The following E2F5 variants were observed in gnomAD, a reference collection of about 807,000 sequenced individuals.
E2F5 encodes the protein E2F transcription factor 5, also known as transcription factor E2F5.
A neutral mutation model predicts 39.1 loss-of-function variants in E2F5; 23 were observed. The observed-to-expected ratio is 0.59, with a 90% confidence interval of 0.42 to 0.83. The LOEUF (loss-of-function observed/expected upper bound fraction) is 0.83. Among genes scored for constraint, E2F5 ranks in the 40% least tolerant of loss-of-function variants. The pLI is 0.00. For missense variants in E2F5, 365 were observed against 406.7 expected, an observed-to-expected ratio of 0.90 and a Z score of 0.88; for synonymous variants, 145 against 157.8, an observed-to-expected ratio of 0.92 and a Z score of 0.61.
At chr8:85,197,631 A>G (rs994895240) in intron 1 of E2F5, among the ~76,000 whole-genome samples, 2 of 152,160 alleles carry the variant, frequency 1.3e-5, no homozygotes, top group African/African-American at 4.8e-5. Context: ...TCAGAGGAAT[A>G]TTTTTGTTTG....
chr8:85,185,229 T>C (rs1812304889), intron 1 of E2F5, among the ~76,000 whole-genome samples: 1 of 152,090 alleles, frequency 6.6e-6, no homozygotes, highest in South Asian at 2.1e-4. Context: ...AACCATCTGA[T>C]CTTTGACAAA....
Position 85,209,124 on chromosome 8 carries a change from T to C in E2F5, c.616-18T>C. On this transcript the variant is annotated intron_variant, in intron 5 of 7. Transcript: ENST00000416274. ...ATGTTAATAATTATACATTTGTTTA[T>C]ACCCAATAACTTCAAAGGGTCAGAA... The C allele has an allele frequency of 1.9e-6, 3 of 1,610,154 alleles. No individual in the cohort carries two copies. The highest frequency in any genetic ancestry group is 1.1e-5 in the South Asian group (1 of 90,812).
At chr8:85,208,846 G>T (rs1812853578) in intron 5 of E2F5, among the ~76,000 whole-genome samples, 1 of 152,124 alleles carries the variant, frequency 6.6e-6, no homozygotes. Context: ...GCATTGCTGG[G>T]CCCTGACCTA....
intron 1 of E2F5, among the ~76,000 whole-genome samples, chr8:85,186,475 T>C (rs559768599): frequency 6.6e-6 from 1 of 151,734 alleles, no homozygotes; most frequent in East Asian, 1.9e-4. Context: ...CTGCACGTTC[T>C]GCACATGTAC....
At chr8:85,205,885 C>T (rs4150950) in intron 3 of E2F5, among the ~76,000 whole-genome samples, 1 of 152,164 alleles carries the variant, frequency 6.6e-6, no homozygotes, top group African/African-American at 2.4e-5. Context: ...TTTTCCCCAT[C>T]CATTCCCTTC....
chr8:85,203,295 G>T, intron 3 of E2F5, 40 bp downstream of exon 3: 1 of 1,457,134 alleles, frequency 6.9e-7, no homozygotes, highest in Non-Finnish European at 9.1e-7. Flanking sequence ...ATATAGCTTT[G>T]GAATATGTAT....
At chr8:85,208,573 A>G (rs779210295) in intron 5 of E2F5, among the ~76,000 whole-genome samples, 1 of 152,178 alleles carries the variant, frequency 6.6e-6, no homozygotes. Flanking sequence ...AAAGATTACT[A>G]TATTATCTAC....
In E2F5 at chr8:85,201,883, T is replaced by C. The variant is rs538612517; in HGVS notation, c.235-264T>C. On this transcript the variant is annotated intron_variant, in intron 1 of 7. Coordinates refer to ENST00000416274, the MANE Select transcript of E2F5 (RefSeq NM_001951.4). ...CATAAGGTGACACAAAGTATTCTTATTGTGTTCTTTTATTTTTGCAGGCTT... is the reference window on the plus strand; with the variant it reads ...CATAAGGTGACACAAAGTATTCTTACTGTGTTCTTTTATTTTTGCAGGCTT... 43 of 455,170 alleles carry C rather than the reference T, an allele frequency of 9.4e-5. 1 individual carries two copies. In the South Asian group the frequency reaches 1.1e-3, roughly 11 times the overall value. The allele number at this position is 455,170 out of a possible 1,614,324, so 28.2% of individuals were successfully genotyped here.
At chr8:85,204,378 C>T (rs1812757333) in intron 3 of E2F5, among the ~76,000 whole-genome samples, 1 of 152,036 alleles carries the variant, frequency 6.6e-6, no homozygotes, top group Non-Finnish European at 1.5e-5. Flanking sequence ...AGCATGGGCT[C>T]ATGTCCTTTT....
intron 4 of E2F5, 116 bp downstream of exon 4, chr8:85,206,336 G>T: frequency 1.0e-6 from 1 of 1,004,998 alleles, no homozygotes; most frequent in Non-Finnish European, 1.5e-6. Flanking sequence ...TGGGCATTGT[G>T]TCTCACTCCA....
chr8:85,192,797 A>G (rs752405488), intron 1 of E2F5, among the ~76,000 whole-genome samples: 2 of 152,230 alleles, frequency 1.3e-5, no homozygotes, highest in Non-Finnish European at 2.9e-5. Flanking sequence ...ATTGTGACCA[A>G]CCATCTCACA....
At chr8:85,190,667 G>A (rs773939190) in intron 1 of E2F5, among the ~76,000 whole-genome samples, 2 of 151,384 alleles carry the variant, frequency 1.3e-5, no homozygotes, top group Non-Finnish European at 2.9e-5. Flanking sequence ...CCATGCCCAG[G>A]TAATTTTTGT....
At chr8:85,211,350 C>T (rs919191525) in intron 6 of E2F5, among the ~76,000 whole-genome samples, 17 of 151,868 alleles carry the variant, frequency 1.1e-4, no homozygotes, top group African/African-American at 1.5e-4. Flanking sequence ...TGCAGTGAGC[C>T]CTGACAGCAC....
At chr8:85,183,807 T>C (rs1200010559) in intron 1 of E2F5, among the ~76,000 whole-genome samples, 1 of 152,166 alleles carries the variant, frequency 6.6e-6, no homozygotes, top group Admixed American at 6.5e-5. Context: ...CCCCCAAAAT[T>C]CATATGTTGA....
chr8:85,212,079 G>T, intron 6 of E2F5, 78 bp from the exon 7 acceptor site: 1 of 1,119,742 alleles, frequency 8.9e-7, no homozygotes, highest in East Asian at 2.4e-5. Context: ...TCAAGCTGCT[G>T]CTGTGACTAC....
At chr8:85,197,136 T>C (rs548315780) in intron 1 of E2F5, among the ~76,000 whole-genome samples, 1 of 152,366 alleles carries the variant, frequency 6.6e-6, no homozygotes, top group South Asian at 2.1e-4. Flanking sequence ...TGTTCGTTTC[T>C]GAATCACAGT....
At chr8:85,178,784 T>G (rs1305549949) in intron 1 of E2F5, among the ~76,000 whole-genome samples, 1 of 152,202 alleles carries the variant, frequency 6.6e-6, no homozygotes, top group Non-Finnish European at 1.5e-5. Context: ...CCAACTCTTC[T>G]GCTAGAGGCC....
At chr8:85,184,257 A>G (rs934246401) in intron 1 of E2F5, among the ~76,000 whole-genome samples, 1 of 152,214 alleles carries the variant, frequency 6.6e-6, no homozygotes, top group African/African-American at 2.4e-5. Context: ...AACAGAATCA[A>G]TGACAAAAAC....
chr8:85,201,488 T>A (rs1182578558), intron 1 of E2F5, among the ~76,000 whole-genome samples: 1 of 152,224 alleles, frequency 6.6e-6, no homozygotes, highest in East Asian at 1.9e-4. Flanking sequence ...CATGATAGCA[T>A]ATATTGTTTT....
Sources: allele counts gnomAD v4.1 joint callset (sites outside exome capture counted in the v4.1 genomes callset), GRCh38; gene constraint gnomAD v4.1.1; transcripts MANE v1.5; gene names NCBI Gene and HGNC (gene_info 2026-07-23, HGNC 2026-07-21).